Variants in HOMER1 observed in about 807,000 individuals in gnomAD.
HOMER1 encodes the protein homer scaffold protein 1, also known as homer protein homolog 1.
A neutral mutation model predicts 48.9 loss-of-function variants in HOMER1; 3 were observed. That is an observed-to-expected ratio of 0.06 (90% CI 0.03 to 0.16). The LOEUF (loss-of-function observed/expected upper bound fraction) is 0.16, where lower values mean the gene tolerates loss of function less well. Among genes scored for constraint, HOMER1 ranks in the 10% least tolerant of loss-of-function variants. The pLI, the probability that HOMER1 is intolerant of heterozygous loss-of-function variation, is 1.00. For synonymous variants in HOMER1, 134 were observed against 146.4 expected, an observed-to-expected ratio of 0.92 and a Z score of 0.61; for missense variants, 247 against 411.4, an observed-to-expected ratio of 0.60 and a Z score of 3.46.
chr5:79,467,706 A>T (rs1053691618), intron 1 of HOMER1, among the ~76,000 whole-genome samples: 1 of 152,232 alleles, frequency 6.6e-6, no homozygotes, highest in Non-Finnish European at 1.5e-5. Context: ...ATAAAACGTC[A>T]CAGCACTTCT....
chr5:79,469,902 T>C, intron 1 of HOMER1, among the ~76,000 whole-genome samples: 1 of 152,220 alleles, frequency 6.6e-6, no homozygotes, highest in East Asian at 1.9e-4. Flanking sequence ...TGTAGTGATG[T>C]GGTGTTTGTG....
At chr5:79,480,135 A>G (rs545329568) in intron 1 of HOMER1, among the ~76,000 whole-genome samples, 22 of 152,194 alleles carry the variant, frequency 1.4e-4, no homozygotes, top group Non-Finnish European at 2.9e-4. Context: ...GAATAAAAAA[A>G]AAGAAATTCA....
chr5:79,481,545 G>A (rs977214098), intron 1 of HOMER1, among the ~76,000 whole-genome samples: 5 of 152,206 alleles, frequency 3.3e-5, no homozygotes, highest in African/African-American at 4.8e-5. Context: ...GGAGGGAGCT[G>A]AACACAGGTG....
At chr5:79,376,775 C>A (rs1271173574) in intron 8 of HOMER1, among the ~76,000 whole-genome samples, 1 of 151,950 alleles carries the variant, frequency 6.6e-6, no homozygotes, top group Non-Finnish European at 1.5e-5. Context: ...AGTGAAGATA[C>A]ATAATAACTG....
intron 8 of HOMER1, among the ~76,000 whole-genome samples, chr5:79,385,315 C>T (rs1371779139): frequency 6.6e-6 from 1 of 152,094 alleles, no homozygotes; most frequent in African/African-American, 2.4e-5. Flanking sequence ...AAAGAGACAA[C>T]CTGTTGAATG....
intron 5 of HOMER1, among the ~76,000 whole-genome samples, chr5:79,406,360 A>T (rs1561351350): frequency 6.6e-6 from 1 of 152,228 alleles, no homozygotes; most frequent in Non-Finnish European, 1.5e-5. Flanking sequence ...TCAAGAAGAT[A>T]ACTTCACAAT....
intron 1 of HOMER1, among the ~76,000 whole-genome samples, chr5:79,458,998 G>C (rs1440199559): frequency 1.3e-5 from 2 of 152,100 alleles, no homozygotes; most frequent in African/African-American, 2.4e-5. Context: ...GGTCAGGCTG[G>C]GAGTGGCTAG....
At chr5:79,398,142 C>T (rs1263097364) in intron 6 of HOMER1, among the ~76,000 whole-genome samples, 1 of 152,096 alleles carries the variant, frequency 6.6e-6, no homozygotes, top group African/African-American at 2.4e-5. Context: ...GTGTCTCTTA[C>T]GGGTAAGATA....
intron 5 of HOMER1, among the ~76,000 whole-genome samples, chr5:79,427,462 C>T (rs1750289771): frequency 6.6e-6 from 1 of 152,118 alleles, no homozygotes; most frequent in African/African-American, 2.4e-5. Context: ...GATCTTAGCT[C>T]ACCACAATTT....
chr5:79,379,203 TTATA>T (rs1203102164), intron 8 of HOMER1, among the ~76,000 whole-genome samples: 2 of 72,962 alleles, frequency 2.7e-5, no homozygotes, highest in Non-Finnish European at 5.4e-5. Context: ...ATAATATATA[TTATA>T]TATATTTTTA....
At chr5:79,506,103 CTTTTATTTA>C (rs1465287857) in intron 1 of HOMER1, among the ~76,000 whole-genome samples, 3 of 145,420 alleles carry the variant, frequency 2.1e-5, no homozygotes, top group African/African-American at 8.0e-5. Context: ...TTTTTAAAAA[CTTTTATTTA>C]TTTATTTATT....
intron 8 of HOMER1, among the ~76,000 whole-genome samples, chr5:79,381,963 T>TA (rs1748994600): frequency 6.7e-6 from 1 of 150,356 alleles, no homozygotes; most frequent in Non-Finnish European, 1.5e-5. Flanking sequence ...ATATACACTA[T>TA]AAAAAAGAAT....
At chr5:79,389,046 T>G (rs1489369586) in intron 8 of HOMER1, among the ~76,000 whole-genome samples, 1 of 152,052 alleles carries the variant, frequency 6.6e-6, no homozygotes, top group Non-Finnish European at 1.5e-5. Flanking sequence ...TCATTTAAAC[T>G]TTATTTAAAA....
intron 4 of HOMER1, among the ~76,000 whole-genome samples, chr5:79,446,047 G>A (rs1321298137): frequency 6.6e-6 from 1 of 152,196 alleles, no homozygotes. Flanking sequence ...TTTTCTGGCT[G>A]CAAAGAGACT....
intron 1 of HOMER1, among the ~76,000 whole-genome samples, chr5:79,478,096 C>T (rs544119069): frequency 4.8e-4 from 73 of 152,178 alleles, no homozygotes; most frequent in African/African-American, 1.7e-3. Flanking sequence ...ATACTTACAA[C>T]GAGGCATTTA....
intron 5 of HOMER1, among the ~76,000 whole-genome samples, chr5:79,428,786 A>T (rs1017578582): frequency 1.3e-5 from 2 of 152,236 alleles, no homozygotes; most frequent in Admixed American, 6.5e-5. Flanking sequence ...AAGAAGCTCC[A>T]AATAAATGGG....
intron 8 of HOMER1, among the ~76,000 whole-genome samples, chr5:79,396,532 C>A (rs2112213227): frequency 1.3e-5 from 2 of 151,952 alleles, no homozygotes; most frequent in South Asian, 4.2e-4. Flanking sequence ...CAAGTATGAG[C>A]CACCATGCCC....
chr5:79,389,654 G>A (rs928112802), intron 8 of HOMER1, among the ~76,000 whole-genome samples: 1 of 152,184 alleles, frequency 6.6e-6, no homozygotes, highest in Non-Finnish European at 1.5e-5. Context: ...GCAACATCTT[G>A]GAAGGGGAAA....
At chr5:79,438,912 A>C (rs985756949) in intron 5 of HOMER1, 98 bp downstream of exon 5, 5 of 875,424 alleles carry the variant, frequency 5.7e-6, no homozygotes, top group Admixed American at 5.0e-5. Flanking sequence ...GTCAACCTGG[A>C]GTTTTCACTC....
Sources: allele counts gnomAD v4.1 joint callset (sites outside exome capture counted in the v4.1 genomes callset), GRCh38; gene constraint gnomAD v4.1.1; transcripts MANE v1.5; gene names NCBI Gene and HGNC (gene_info 2026-07-23, HGNC 2026-07-21).